Variants in TRAPPC8 observed in about 807,000 individuals in gnomAD.
TRAPPC8 encodes the protein trafficking protein particle complex subunit 8.
A neutral mutation model predicts 174.3 loss-of-function variants in TRAPPC8; 54 were observed. The observed-to-expected ratio is 0.31, with a 90% CI of 0.25 to 0.39. The LOEUF (loss-of-function observed/expected upper bound fraction) is 0.39. TRAPPC8 is among the 10% of genes least tolerant of loss of function. The pLI is 1.00. For missense variants in TRAPPC8, 1,531 were observed against 1,699.1 expected, an observed-to-expected ratio of 0.90 and a Z score of 1.74; for synonymous variants, 630 against 579.9, an observed-to-expected ratio of 1.09 and a Z score of -1.24.
chr18:31,885,522 G>C lies in TRAPPC8; in HGVS notation c.1728+5213C>G, dbSNP rs1260707363. Among the ~76,000 whole-genome samples, 3 of 152,098 alleles carry C rather than the reference G, an allele frequency of 2.0e-5. No homozygotes were observed. In the East Asian group the frequency reaches 5.8e-4, roughly 29 times the overall value. On this transcript the variant is annotated intron_variant, in intron 12 of 28. Coordinates refer to ENST00000283351, the MANE Select transcript of TRAPPC8 (RefSeq NM_014939.5). ...ATGCCAATTTTTTTTTACTTTGATG[G>C]TTATGCTATGGTTATGTAAGGGAAA...
intron 18 of TRAPPC8, 57 bp from the exon 19 acceptor site, chr18:31,864,838 TTTAAC>T: frequency 6.9e-7 from 1 of 1,443,722 alleles, no homozygotes; most frequent in Non-Finnish European, 9.4e-7. Flanking sequence ...CTGACATCAA[TTTAAC>T]TTGAATATGT....
At chr18:31,874,751 G>T in intron 12 of TRAPPC8, 47 bp from the exon 13 acceptor site, 1 of 1,524,454 alleles carries the variant, frequency 6.6e-7, no homozygotes, top group South Asian at 1.2e-5. Context: ...AAATTTGTTT[G>T]AACTAGAAAA....
In TRAPPC8 at chr18:31,830,773, G is replaced by C. The variant is rs995075683; in HGVS notation, c.4290C>G (p.Ile1430Met). Residue 1430 changes from isoleucine (I) to methionine (M), a missense_variant, in exon 29 of 29, where the codon ATC becomes ATG. Transcript: ENST00000283351. ...TSQQNSMPAL[I>M]IISNV The stretch of plus-strand genomic sequence containing the variant: ...CAAGTTGTCACACATTACTGATGAT[G>C]ATCAGGGCAGGCATGGAATTCTGCT... 2.5e-6 allele frequency: 4 copies of C among 1,613,674 alleles called. No homozygotes were observed. Among genetic ancestry groups the C allele is most frequent in the Admixed American group, 1.7e-5 (1 of 59,994 alleles).
chr18:31,922,505 C>T (rs1451492146), intron 2 of TRAPPC8, among the ~76,000 whole-genome samples: 6 of 152,018 alleles, frequency 3.9e-5, no homozygotes, highest in Admixed American at 6.6e-5. Flanking sequence ...GTGGGAAGAT[C>T]GCTTGAACCC....
intron 1 of TRAPPC8, among the ~76,000 whole-genome samples, chr18:31,936,314 A>T (rs1374101045): frequency 7.3e-5 from 11 of 151,608 alleles, no homozygotes; most frequent in Non-Finnish European, 1.3e-4. Context: ...TTTTTTTTTT[A>T]ATTAGCCAAA....
chr18:31,836,477 T>C (rs1002209656), intron 27 of TRAPPC8, among the ~76,000 whole-genome samples: 11 of 152,078 alleles, frequency 7.2e-5, no homozygotes, highest in African/African-American at 2.7e-4. Context: ...ACCACTAAGG[T>C]TAAAAAGAAG....
At chr18:31,898,024 GA>G (rs1194806166) in intron 10 of TRAPPC8, 133 bp from the exon 11 acceptor site, 1 of 649,826 alleles carries the variant, frequency 1.5e-6, no homozygotes, top group Non-Finnish European at 2.3e-6. Flanking sequence ...GACCCTCCAG[GA>G]TACTAAAATC....
At chr18:31,855,269 A>T (rs2033942090) in intron 21 of TRAPPC8, among the ~76,000 whole-genome samples, 1 of 152,252 alleles carries the variant, frequency 6.6e-6, no homozygotes, top group Non-Finnish European at 1.5e-5. Flanking sequence ...TATAAAGGAA[A>T]TGGCACTGTT....
chr18:31,889,579 A>G (rs891662425), intron 12 of TRAPPC8, among the ~76,000 whole-genome samples: 2 of 152,106 alleles, frequency 1.3e-5, no homozygotes, highest in Non-Finnish European at 1.5e-5. Flanking sequence ...ATGCACTTGC[A>G]TTTACTATTG....
chr18:31,857,498 T>C lies in TRAPPC8; in HGVS notation c.3188+42A>G, dbSNP rs550684081. 1.3e-4 allele frequency: 193 copies of C among 1,469,038 alleles called. 4 individuals carry two copies. The South Asian group carries it at 2.2e-3, about 16-fold the overall frequency. The allele number at this position is 1,469,038 out of a possible 1,614,324, so 91.0% of individuals were successfully genotyped here. ...GTTTATCTGAATATGTGCATATACA[T>C]TGAACATAGATGTTAAATTTTATAA... On this transcript the variant is annotated intron_variant, in intron 20 of 28. Coordinates refer to ENST00000283351, the MANE Select transcript of TRAPPC8 (RefSeq NM_014939.5).
At chr18:31,890,475 CT>C (rs1309502484) in intron 12 of TRAPPC8, among the ~76,000 whole-genome samples, 1 of 152,000 alleles carries the variant, frequency 6.6e-6, no homozygotes, top group Admixed American at 6.6e-5. Context: ...TTAGTTTAAC[CT>C]AACCAAAATT....
intron 11 of TRAPPC8, among the ~76,000 whole-genome samples, chr18:31,892,718 TA>T (rs2036006450): frequency 6.6e-6 from 1 of 152,118 alleles, no homozygotes. Context: ...CAAAAATCTT[TA>T]AAATTTTTAG....
chr18:31,933,179 T>C (rs1719131772), intron 1 of TRAPPC8, among the ~76,000 whole-genome samples: 1 of 150,816 alleles, frequency 6.6e-6, no homozygotes, highest in Non-Finnish European at 1.5e-5. Flanking sequence ...TGGGCACCTA[T>C]AGTCCCAGCT....
At chr18:31,920,494 G>C (rs571269980) in intron 2 of TRAPPC8, among the ~76,000 whole-genome samples, 1 of 152,064 alleles carries the variant, frequency 6.6e-6, no homozygotes, top group Non-Finnish European at 1.5e-5. Flanking sequence ...GCTGCTTCAT[G>C]TTCATTCTTA....
chr18:31,866,851 G>T lies in TRAPPC8; in HGVS notation c.2588C>A (p.Thr863Lys). The T allele has an allele frequency of 2.5e-6, 4 of 1,612,902 alleles. No individual in the cohort carries two copies. In the Admixed American group the frequency reaches 6.7e-5, roughly 27 times the overall value. ...TTTACCAATGCTATAGCCTTTACCT[G>T]TGTGACATCCGGGAAGAGCACCAAT... ...DGIGALPGCHTGKYSLSMSVR... is the reference protein window; with the variant it reads ...DGIGALPGCHKGKYSLSMSVR... Residue 863 changes from threonine to lysine, a missense_variant and splice_region_variant, in exon 18 of 29, where the codon ACA becomes AAA. By Grantham distance (78) the Thr-to-Lys change is moderately conservative. Coordinates refer to ENST00000283351, the MANE Select transcript of TRAPPC8 (RefSeq NM_014939.5).
At chr18:31,940,103 T>A (rs951514830) in intron 1 of TRAPPC8, among the ~76,000 whole-genome samples, 1 of 152,130 alleles carries the variant, frequency 6.6e-6, no homozygotes, top group Admixed American at 6.6e-5. Context: ...ATGTAAAATA[T>A]CTCATGAATA....
intron 27 of TRAPPC8, among the ~76,000 whole-genome samples, chr18:31,838,627 C>T (rs76611163): frequency 0.029 from 4,411 of 152,266 alleles, 228 homozygotes; most frequent in African/African-American, 0.099. Context: ...ACCCTCTATA[C>T]AGTGGCATTC....
chr18:31,888,322 T>C (rs188219039), intron 12 of TRAPPC8, among the ~76,000 whole-genome samples: 1 of 152,140 alleles, frequency 6.6e-6, no homozygotes, highest in Non-Finnish European at 1.5e-5. Flanking sequence ...CCACCTGAGG[T>C]TGGGAATTCA....
chr18:31,892,383 ATCTT>A (rs1309968635), intron 11 of TRAPPC8, among the ~76,000 whole-genome samples: 4 of 152,176 alleles, frequency 2.6e-5, no homozygotes, highest in African/African-American at 4.8e-5. Flanking sequence ...TGTAATGGAC[ATCTT>A]TCTAAGACAT....
Sources: gnomAD v4.1 joint callset for allele counts (sites outside exome capture counted in the v4.1 genomes callset) on GRCh38, gnomAD v4.1.1 for gene constraint, MANE v1.5 for transcripts, NCBI Gene and HGNC (gene_info 2026-07-23, HGNC 2026-07-21) for gene names.